Variants in NCKAP5 observed in about 807,000 individuals in gnomAD.
NCKAP5 encodes the protein NCK associated protein 5.
Under a neutral mutation model 167.0 loss-of-function variants are expected in NCKAP5, and 92 were observed. The observed-to-expected ratio is 0.55, with a 90% confidence interval of 0.47 to 0.66. The LOEUF is 0.66. NCKAP5 is among the 30% of genes least tolerant of loss of function. NCKAP5 has a pLI of 0.00. For synonymous variants in NCKAP5, 891 were observed against 877.4 expected, an observed-to-expected ratio of 1.02 and a Z score of -0.27; for missense variants, 2,378 against 2,315.0, an observed-to-expected ratio of 1.03 and a Z score of -0.56.
chr2:132,906,264 C>A (rs1212934896), intron 8 of NCKAP5, among the ~76,000 whole-genome samples: 1 of 152,070 alleles, frequency 6.6e-6, no homozygotes, highest in Admixed American at 6.5e-5. Context: ...TGAAATTTTA[C>A]AAAAATTTGT....
At chr2:132,851,346 G>C (rs903513470) in intron 11 of NCKAP5, among the ~76,000 whole-genome samples, 2 of 152,170 alleles carry the variant, frequency 1.3e-5, no homozygotes, top group Non-Finnish European at 2.9e-5. Context: ...TGGCCCAACT[G>C]TTCTAGTGCA....
intron 3 of NCKAP5, among the ~76,000 whole-genome samples, chr2:133,491,242 G>A (rs1461726827): frequency 6.6e-6 from 1 of 152,204 alleles, no homozygotes; most frequent in Non-Finnish European, 1.5e-5. Flanking sequence ...GTAAGAGATG[G>A]ATAATACACA....
intron 16 of NCKAP5, among the ~76,000 whole-genome samples, chr2:132,734,529 G>A (rs915296435): frequency 6.6e-6 from 1 of 152,132 alleles, no homozygotes; most frequent in Non-Finnish European, 1.5e-5. Flanking sequence ...GCATCCTCAG[G>A]ACCACCTATC....
chr2:133,268,320 CTA>C (rs1161425186), intron 4 of NCKAP5: 1 of 151,952 alleles, frequency 6.6e-6, no homozygotes, highest in Non-Finnish European at 1.5e-5. Context: ...TATGGACACT[CTA>C]TGAATACTGA....
intron 11 of NCKAP5, among the ~76,000 whole-genome samples, chr2:132,844,654 A>G (rs1688537553): frequency 6.6e-6 from 1 of 152,148 alleles, no homozygotes; most frequent in African/African-American, 2.4e-5. Flanking sequence ...TTCTAACTTG[A>G]TAATACTGGA....
intron 3 of NCKAP5, among the ~76,000 whole-genome samples, chr2:133,388,146 G>A (rs1181788947): frequency 6.6e-6 from 1 of 151,490 alleles, no homozygotes; most frequent in Non-Finnish European, 1.5e-5. Flanking sequence ...CAGATTTTCT[G>A]TTATTTTTTT....
intron 6 of NCKAP5, among the ~76,000 whole-genome samples, chr2:133,124,545 T>G (rs2082343616): frequency 6.6e-6 from 1 of 152,220 alleles, no homozygotes; most frequent in South Asian, 2.1e-4. Flanking sequence ...TATTCATGCC[T>G]CAGCATAATA....
At chr2:133,374,742 C>T (rs1686028992) in intron 3 of NCKAP5, among the ~76,000 whole-genome samples, 1 of 152,106 alleles carries the variant, frequency 6.6e-6, no homozygotes, top group Admixed American at 6.5e-5. Flanking sequence ...AAAATGTCTA[C>T]TAAAAACAAA....
intron 2 of NCKAP5, among the ~76,000 whole-genome samples, chr2:133,522,999 T>TA (rs2104781049): frequency 6.6e-6 from 1 of 152,276 alleles, no homozygotes; most frequent in South Asian, 2.1e-4. Context: ...TATTGACTGA[T>TA]AGTTATTGAT....
intron 4 of NCKAP5, among the ~76,000 whole-genome samples, chr2:133,262,642 C>T (rs1310047863): frequency 6.6e-6 from 1 of 152,194 alleles, no homozygotes; most frequent in Non-Finnish European, 1.5e-5. Context: ...CAATCCCCGT[C>T]GGGGCAACAG....
At chr2:133,177,183 T>TATATATATACAC (rs3051216) in intron 5 of NCKAP5, among the ~76,000 whole-genome samples, 3 of 142,640 alleles carry the variant, frequency 2.1e-5, no homozygotes, top group Non-Finnish European at 3.0e-5. Context: ...TATATATATA[T>TATATATATACAC]ATATACTCAA....
At chr2:132,703,963 G>A (rs560778953) in intron 19 of NCKAP5, among the ~76,000 whole-genome samples, 1 of 152,222 alleles carries the variant, frequency 6.6e-6, no homozygotes, top group South Asian at 2.1e-4. Flanking sequence ...AATGTACTGA[G>A]TTTAACTGAA....
chr2:133,538,931 GTTTTTTTT>G (rs71412735), intron 2 of NCKAP5, among the ~76,000 whole-genome samples: 1 of 108,586 alleles, frequency 9.2e-6, no homozygotes, highest in African/African-American at 4.0e-5. Context: ...GTTTTTTTGG[GTTTTTTTT>G]TTTTTTTTTT....
At chr2:133,601,034 C>T in the NCKAP5 span, among the ~76,000 whole-genome samples, 4 of 152,208 alleles carry the variant, frequency 2.6e-5, no homozygotes, top group East Asian at 5.8e-4. Context: ...TCCTCTGTGA[C>T]CTGGCCGGGC....
At chr2:132,809,571 T>C (rs1558807135) in intron 11 of NCKAP5, among the ~76,000 whole-genome samples, 1 of 152,200 alleles carries the variant, frequency 6.6e-6, no homozygotes, top group Non-Finnish European at 1.5e-5. Flanking sequence ...TTTTGCCTGA[T>C]CTAAGAATAG....
intron 8 of NCKAP5, among the ~76,000 whole-genome samples, chr2:132,900,107 A>G (rs1693503639): frequency 6.6e-6 from 1 of 152,170 alleles, no homozygotes; most frequent in African/African-American, 2.4e-5. Context: ...TGCACCTTAT[A>G]TAGGTGTGCT....
intron 3 of NCKAP5, among the ~76,000 whole-genome samples, chr2:133,348,410 T>C (rs1221675052): frequency 1.3e-5 from 2 of 152,198 alleles, no homozygotes; most frequent in South Asian, 4.1e-4. Flanking sequence ...TACATCACTA[T>C]GCATTTGTTT....
chr2:133,423,430 C>G (rs1020814926), intron 3 of NCKAP5, among the ~76,000 whole-genome samples: 5 of 152,198 alleles, frequency 3.3e-5, no homozygotes, highest in Non-Finnish European at 7.3e-5. Flanking sequence ...TGAAGCTGCA[C>G]CTCAGTCAAG....
At chr2:132,832,413 C>A (rs1687588169) in intron 11 of NCKAP5, among the ~76,000 whole-genome samples, 1 of 151,996 alleles carries the variant, frequency 6.6e-6, no homozygotes, top group South Asian at 2.1e-4. Context: ...ACAAGTGCAA[C>A]TTTGTTACAT....
Sources: gnomAD v4.1 joint callset for allele counts (sites outside exome capture counted in the v4.1 genomes callset) on GRCh38, gnomAD v4.1.1 for gene constraint, MANE v1.5 for transcripts, NCBI Gene and HGNC (gene_info 2026-07-23, HGNC 2026-07-21) for gene names.